Variants in PPP1R9B observed in about 807,000 individuals in gnomAD.
PPP1R9B encodes neurabin-2.
Under a neutral mutation model 75.8 loss-of-function variants are expected in PPP1R9B, and 17 were observed. The ratio of observed to expected loss-of-function variants is 0.22; its 90% confidence interval spans 0.15 to 0.34. The LOEUF is 0.34. Ranked by LOEUF, PPP1R9B falls within the 10% of genes least tolerant of loss-of-function variation. The probability of loss-of-function intolerance (pLI) is 1.00; values close to 1 mark genes in which losing one functional copy is unlikely to be tolerated. For synonymous variants in PPP1R9B, 509 were observed against 535.4 expected (o/e 0.95, Z 0.68); for missense variants, 875 against 1,196.0 (o/e 0.73, Z 3.96).
At chr17:50,136,272 G>A (rs544049597) in intron 7 of PPP1R9B, 75 bp from the exon 8 acceptor site, 10 of 1,261,938 alleles carry the variant, frequency 7.9e-6, no homozygotes, top group Admixed American at 2.2e-5. Flanking sequence ...CTAGCACTGG[G>A]GCCAGAGTCG....
Position 50,149,684 on chromosome 17 carries a change from T to G in PPP1R9B, c.830A>C (p.Gln277Pro). Residue 277 changes from glutamine to proline, a missense_variant, in exon 1 of 10, where the codon CAG (glutamine) becomes CCG (proline). Physicochemically the swap from Gln to Pro is moderately conservative, Grantham distance 76. This residue lies in a region of PPP1R9B where 449 missense variants were observed against 475.0 expected (regional missense o/e 0.95). Transcript: ENST00000612501. This position sits in a 1 kb window ranked among gnomAD's most constrained non-coding sequence, Gnocchi z 7.2. ...AGGGGCCACTCGGTGCTGCGGGGGC[T>G]GCTGCCCTGCGGGGCATCGCTCTTT... ...AEKERCPAGQ[Q>P]PPQHRVAPAR... 2.7e-6 allele frequency: 4 copies of G among 1,456,804 alleles called. No individual in the cohort carries two copies. In the South Asian group the frequency reaches 5.6e-5, roughly 20 times the overall value. 90.2% of individuals were successfully genotyped at this position (1,456,804 alleles called of 1,614,324 possible).
In PPP1R9B at chr17:50,141,349, C is replaced by A; in HGVS notation, c.1650G>T (p.Val550=). 6.3e-7 allele frequency: 1 copy of A among 1,589,568 alleles called. No homozygotes were observed. The highest frequency in any genetic ancestry group is 8.6e-7 in the Non-Finnish European group (1 of 1,168,556). The change falls in exon 4 of 10, where the codon GTG becomes GTT. Residue 550 remains valine (V), a synonymous_variant. Transcript: ENST00000612501. ...DGRIQVNDLL[V]EVDGTSLVGV... is the part of the protein sequence containing the mutation. ...CCACCAGACTTGTTCCATCCACCTC[C>A]ACCAGGAGATCATTCACCTGGATCC... is the stretch of plus-strand genomic sequence containing the variant.
rs1477904213 is a variant in PPP1R9B, at chr17:50,150,617, C to G, written c.-104G>C. 1 of 1,177,402 alleles carries G rather than the reference C, an allele frequency of 8.5e-7. No individual in the cohort carries two copies. Among genetic ancestry groups the G allele is most frequent in the Non-Finnish European group, 1.1e-6 (1 of 935,718 alleles). The allele number at this position is 1,177,402 out of a possible 1,614,324, so 72.9% of individuals were successfully genotyped here. On this transcript the variant is annotated 5_prime_UTR_variant, in exon 1 of 10. Transcript: ENST00000612501. This position sits in a 1 kb window ranked among gnomAD's most constrained non-coding sequence, Gnocchi z 8.7. ...GCCCCCTCCCCCCGATAAAAGAAAC[C>G]CCGAAGGCCTTTTTTAGGGTCCCCC...
At chr17:50,135,799 T>C in intron 8 of PPP1R9B, 150 bp from the exon 9 acceptor site, 1 of 874,430 alleles carries the variant, frequency 1.1e-6, no homozygotes. Context: ...CCTCTGGGGG[T>C]CTGGCTCTGT....
chr17:50,135,939 C>G (rs777926779), intron 8 of PPP1R9B, 29 bp downstream of exon 8: 10 of 1,335,538 alleles, frequency 7.5e-6, no homozygotes, highest in Non-Finnish European at 1.0e-5. Context: ...GCTCCCTGGG[C>G]CCAGCCCGCC....
Position 50,136,095 on chromosome 17 carries a change from A to G in PPP1R9B, c.2176T>C (p.Tyr726His). 1 of 1,611,864 alleles carries G rather than the reference A, an allele frequency of 6.2e-7. No homozygotes were observed. The highest frequency in any genetic ancestry group is 8.5e-7 in the Non-Finnish European group (1 of 1,179,832). ...CACAGGCTCTGGGCCTCACCCCAGT[A>G]GCCTTCCAGTTTCTCCATGCGCTCC... is the stretch of plus-strand genomic sequence containing the variant. The part of the protein sequence containing the change: ...NKERMEKLEG[Y>H]WGEAQSLCQA... The change falls in exon 8 of 10, where the codon TAC (tyrosine) becomes CAC (histidine). Residue 726 changes from tyrosine (Y) to histidine (H), a missense_variant. Coordinates refer to ENST00000612501, the MANE Select transcript of PPP1R9B (RefSeq NM_032595.5).
rs1375343986 is a variant in PPP1R9B at position 50,134,671 on chromosome 17, C to G, written c.*660G>C. On this transcript the variant is annotated 3_prime_UTR_variant, in exon 10 of 10. Transcript: ENST00000612501. ...TCCTGAACTCTCCCTTTTTCCCACT[C>G]TCACTCCCCCTTTTCCCGAAGGACA... 6.5e-6 allele frequency: 1 copy of G among 153,052 alleles called. No homozygotes were observed. Among genetic ancestry groups the G allele is most frequent in the African/African-American group, 2.4e-5 (1 of 41,466 alleles). The allele number at this position is 153,052 out of a possible 1,614,324, so 9.5% of individuals were successfully genotyped here.
Position 50,150,663 on chromosome 17 carries a change from C to A in PPP1R9B, c.-150G>T. The A allele has an allele frequency of 2.6e-5, 17 of 665,394 alleles. No homozygotes were observed. The highest frequency in any genetic ancestry group is 3.5e-5 in the East Asian group (1 of 28,342). The allele number at this position is 665,394 out of a possible 1,614,324, so 41.2% of individuals were successfully genotyped here. On this transcript the variant is annotated 5_prime_UTR_variant, in exon 1 of 10. Coordinates refer to ENST00000612501, the MANE Select transcript of PPP1R9B (RefSeq NM_032595.5). This position sits in a 1 kb window ranked among gnomAD's most constrained non-coding sequence, Gnocchi z 8.7. Reference sequence around the variant, plus strand: ...CCCCCCAAAACCAAGCTGCCAAAAACAGTTAATCCCGCTTTAAAAAAAAAA... The same window carrying A: ...CCCCCCAAAACCAAGCTGCCAAAAAAAGTTAATCCCGCTTTAAAAAAAAAA...
At chr17:50,136,297 C>T in intron 7 of PPP1R9B, 100 bp from the exon 8 acceptor site, 2 of 989,174 alleles carry the variant, frequency 2.0e-6, no homozygotes, top group Admixed American at 4.8e-5. Context: ...GGGATTCCTA[C>T]CGTTGTGGAG....
rs1184967923 is a variant in PPP1R9B, at chr17:50,134,816, C to T, written c.*515G>A. The stretch of plus-strand genomic sequence containing the variant: ...GTGTTGAGGCAACGCCCCCACCCCC[C>T]AGGCGGGAGGGTCAGAATGCAACAG... On this transcript the variant is annotated 3_prime_UTR_variant, in exon 10 of 10. Coordinates refer to ENST00000612501, the MANE Select transcript of PPP1R9B (RefSeq NM_032595.5). The T allele has an allele frequency of 6.1e-6, 1 of 163,198 alleles. No individual in the cohort carries two copies. The highest frequency in any genetic ancestry group is 1.8e-4 in the East Asian group (1 of 5,598). 10.1% of individuals were successfully genotyped at this position (163,198 alleles called of 1,614,324 possible).
intron 3 of PPP1R9B, among the ~76,000 whole-genome samples, chr17:50,143,103 TTCCC>T (rs1319198264): frequency 6.6e-6 from 1 of 152,174 alleles, no homozygotes; most frequent in East Asian, 1.9e-4. Context: ...CAGTCTGCAT[TTCCC>T]TCCATTTCAC....
At position 50,143,798 on chromosome 17, in the gene PPP1R9B, GC is replaced by G. The variant is rs567735921; in HGVS notation, c.1505-81del. 1.8e-4 allele frequency: 288 copies of G among 1,580,698 alleles called. 1 individual carries two copies. The African/African-American group carries it at 3.4e-3, about 19-fold the overall frequency. Reference sequence around the variant, plus strand: ...TCTCCACCCCGAATTCCAGGGCACAGCCCCCCCATCAGGAAGCAGTCCCCAT... The same window carrying G: ...TCTCCACCCCGAATTCCAGGGCACAGCCCCCCATCAGGAAGCAGTCCCCAT... On this transcript the variant is annotated intron_variant, in intron 2 of 9. Transcript: ENST00000612501.
chr17:50,136,434 A>G (rs542316627), intron 7 of PPP1R9B, among the ~76,000 whole-genome samples: 1 of 152,250 alleles, frequency 6.6e-6, no homozygotes, highest in Non-Finnish European at 1.5e-5. Context: ...ACTCGCAGGG[A>G]GGCTGGAGGC....
chr17:50,136,033 C>T lies in PPP1R9B; in HGVS notation c.2238G>A (p.Ala746=), dbSNP rs367543183. The change falls in exon 8 of 10, where the codon GCG becomes GCA. Residue 746 remains alanine, a synonymous_variant. Transcript: ENST00000612501. ...AVDEHLRETQ[A]QYQALERKYS... ...ACTTGCGCTCCAGGGCCTGGTACTG[C>T]GCCTGAGTCTCCCGCAGGTGCTCGT... The T allele has an allele frequency of 1.1e-4, 170 of 1,609,084 alleles. No homozygotes were observed. Among genetic ancestry groups the T allele is most frequent in the Admixed American group, 3.5e-4 (21 of 59,184 alleles).
Position 50,139,750 on chromosome 17 carries a change from C to G in PPP1R9B, c.1867-169G>C, listed in dbSNP as rs1008703312. ...ACCAGAGACACGGTTTATGTCTTCC[C>G]CCAACAGCCTGGTAGTCCCCTGATG... On this transcript the variant is annotated intron_variant, in intron 5 of 9. Coordinates refer to ENST00000612501, the MANE Select transcript of PPP1R9B (RefSeq NM_032595.5). The surrounding 1 kb of genome is among the most constrained non-coding windows in gnomAD (Gnocchi z 5.0). Among the ~76,000 whole-genome samples the G allele has an allele frequency of 2.6e-5, 4 of 152,202 alleles. No individual in the cohort carries two copies. Among genetic ancestry groups the G allele is most frequent in the African/African-American group, 9.7e-5 (4 of 41,446 alleles).
Position 50,150,189 on chromosome 17 carries a change from C to T in PPP1R9B, c.325G>A (p.Ala109Thr). ...SSLNENVDHS[A>T]LLKLGTSVSE... ...ACGCTGGTGCCCAGCTTCAGCAGGG[C>T]GCTGTGGTCCACGTTCTCGTTCAGG... The change falls in exon 1 of 10, where the codon GCC (alanine) becomes ACC (threonine). Residue 109 changes from alanine to threonine, a missense_variant. Ala to Thr is a moderately conservative substitution (Grantham distance 58, BLOSUM62 0). Coordinates refer to ENST00000612501, the MANE Select transcript of PPP1R9B (RefSeq NM_032595.5). The surrounding 1 kb of genome is among the most constrained non-coding windows in gnomAD (Gnocchi z 8.7). 4 of 1,460,672 alleles carry T rather than the reference C, an allele frequency of 2.7e-6. No individual in the cohort carries two copies. The South Asian group carries it at 3.9e-5, about 14-fold the overall frequency. 90.5% of individuals were successfully genotyped at this position (1,460,672 alleles called of 1,614,324 possible).
At position 50,149,324 on chromosome 17, in the gene PPP1R9B, G is replaced by A. The variant is rs375949247; in HGVS notation, c.1190C>T (p.Ala397Val). 27 of 1,613,362 alleles carry A rather than the reference G, an allele frequency of 1.7e-5. No individual in the cohort carries two copies. The East Asian group carries it at 5.8e-4, about 35-fold the overall frequency. Residue 397 changes from alanine to valine, a missense_variant, in exon 1 of 10, where the codon GCC (alanine) becomes GTC (valine). Ala to Val is a moderately conservative substitution (Grantham distance 64, BLOSUM62 0). Transcript: ENST00000612501. This position sits in a 1 kb window ranked among gnomAD's most constrained non-coding sequence, Gnocchi z 7.2. Reference sequence around the variant, plus strand: ...AGAGTCCTCCCCGAGCCCACTGTAGGCGCTCACGTCCACCAAGTCCGCCTC... The same window carrying A: ...AGAGTCCTCCCCGAGCCCACTGTAGACGCTCACGTCCACCAAGTCCGCCTC... ...FSEADLVDVS[A>V]YSGLGEDSAG... is the part of the protein sequence containing the mutation.
chr17:50,144,066 G>A (rs568648973), intron 2 of PPP1R9B, among the ~76,000 whole-genome samples: 2 of 152,200 alleles, frequency 1.3e-5, no homozygotes, highest in East Asian at 3.9e-4. Flanking sequence ...CTAAGCCTTT[G>A]GTCTTCTCCC....
intron 4 of PPP1R9B, chr17:50,140,441 C>T: frequency 1.6e-6 from 1 of 638,520 alleles, no homozygotes; most frequent in East Asian, 2.8e-5. Flanking sequence ...CCATTCACCC[C>T]TCTGGCCAGT....
Sources: allele counts gnomAD v4.1 joint callset (sites outside exome capture counted in the v4.1 genomes callset), GRCh38; gene constraint gnomAD v4.1.1; regional missense constraint gnomAD v4.1.1; non-coding constraint Gnocchi (gnomAD v3.1); transcripts MANE v1.5; gene names NCBI Gene and HGNC (gene_info 2026-07-23, HGNC 2026-07-21).